MACROD2: variants seen among roughly 807,000 people sequenced by gnomAD.
The protein encoded by MACROD2 is ADP-ribose glycohydrolase MACROD2.
MACROD2 carries 36 observed loss-of-function variants against 70.4 expected under a neutral mutation model. The observed-to-expected ratio is 0.51, with a 90% CI of 0.39 to 0.68. The LOEUF (loss-of-function observed/expected upper bound fraction) is 0.68. Among genes scored for constraint, MACROD2 ranks in the 30% least tolerant of loss-of-function variants. The probability of loss-of-function intolerance (pLI) is 0.00; values close to 1 mark genes in which losing one functional copy is unlikely to be tolerated. For synonymous variants in MACROD2, 172 were observed against 178.8 expected, an observed-to-expected ratio of 0.96 and a Z score of 0.30; for missense variants, 496 against 538.4, an observed-to-expected ratio of 0.92 and a Z score of 0.78.
chr20:15,246,515 T>A (rs1190920414), intron 6 of MACROD2, among the ~76,000 whole-genome samples: 1 of 152,240 alleles, frequency 6.6e-6, no homozygotes, highest in Admixed American at 6.5e-5. Flanking sequence ...TTTATTTTTT[T>A]TTATTAGTGA....
At chr20:14,195,542 G>T (rs1194137643) in intron 3 of MACROD2, among the ~76,000 whole-genome samples, 1 of 151,946 alleles carries the variant, frequency 6.6e-6, no homozygotes, top group Non-Finnish European at 1.5e-5. Flanking sequence ...GACCACCTTG[G>T]TCTGCCACGC....
chr20:15,145,536 A>T (rs2076224101), intron 5 of MACROD2, among the ~76,000 whole-genome samples: 1 of 152,178 alleles, frequency 6.6e-6, no homozygotes, highest in Non-Finnish European at 1.5e-5. Context: ...ACATCTAAAT[A>T]TTTGAAAGAA....
At chr20:15,777,482 T>C (rs775553664) in intron 8 of MACROD2, among the ~76,000 whole-genome samples, 2 of 150,842 alleles carry the variant, frequency 1.3e-5, no homozygotes, top group African/African-American at 4.9e-5. Flanking sequence ...CAGAGCCAAG[T>C]TGATTCTTTT....
intron 3 of MACROD2, among the ~76,000 whole-genome samples, chr20:14,271,182 C>G (rs2082191609): frequency 6.6e-6 from 1 of 152,234 alleles, no homozygotes; most frequent in South Asian, 2.1e-4. Context: ...AACGGGCAGA[C>G]TGCCTCCTCA....
chr20:14,784,337 T>C (rs2072337829), intron 5 of MACROD2, among the ~76,000 whole-genome samples: 1 of 152,138 alleles, frequency 6.6e-6, no homozygotes, highest in South Asian at 2.1e-4. Context: ...GTCCCTTTGC[T>C]AAAATGTGTT....
intron 8 of MACROD2, among the ~76,000 whole-genome samples, chr20:15,557,608 A>G (rs1408648286): frequency 6.6e-6 from 1 of 152,250 alleles, no homozygotes. Context: ...TAAGTCAGAC[A>G]TTCTAGGACC....
At chr20:15,840,482 A>G (rs549327236) in intron 8 of MACROD2, among the ~76,000 whole-genome samples, 81 of 152,176 alleles carry the variant, frequency 5.3e-4, no homozygotes, top group Non-Finnish European at 9.6e-4. Context: ...TTATCAATTC[A>G]CAAAAAAAGA....
intron 8 of MACROD2, among the ~76,000 whole-genome samples, chr20:15,561,944 TGC>T (rs1280119164): frequency 7.9e-5 from 12 of 152,250 alleles, no homozygotes; most frequent in Middle Eastern, 6.8e-3. Context: ...GAGAACTCTT[TGC>T]TGCTTTGTTT....
intron 4 of MACROD2, among the ~76,000 whole-genome samples, chr20:14,597,451 A>T (rs937969762): frequency 6.6e-6 from 1 of 152,138 alleles, no homozygotes; most frequent in African/African-American, 2.4e-5. Flanking sequence ...GGAAGTGTTT[A>T]TTTAGTCCTC....
At chr20:15,139,638 A>G (rs1282772270) in intron 5 of MACROD2, among the ~76,000 whole-genome samples, 2 of 152,142 alleles carry the variant, frequency 1.3e-5, no homozygotes, top group African/African-American at 4.8e-5. Flanking sequence ...AGAAAAAAAA[A>G]TCATGTGGAT....
At chr20:15,518,459 T>G (rs947143783) in intron 8 of MACROD2, among the ~76,000 whole-genome samples, 74 of 152,362 alleles carry the variant, frequency 4.9e-4, no homozygotes, top group African/African-American at 1.8e-3. Context: ...TTGGCAATTG[T>G]GTACTTTGAA....
intron 8 of MACROD2, among the ~76,000 whole-genome samples, chr20:15,508,753 T>TA (rs1344989872): frequency 6.6e-6 from 1 of 152,090 alleles, no homozygotes; most frequent in East Asian, 1.9e-4. Flanking sequence ...GAGTCAGGAA[T>TA]AAAAAATGGT....
At chr20:14,696,686 T>C (rs1279905468) in intron 5 of MACROD2, among the ~76,000 whole-genome samples, 1 of 152,174 alleles carries the variant, frequency 6.6e-6, no homozygotes, top group African/African-American at 2.4e-5. Context: ...GTGAAGATCA[T>C]GAGACACAGC....
intron 7 of MACROD2, among the ~76,000 whole-genome samples, chr20:15,456,691 C>T (rs1049178084): frequency 6.6e-6 from 1 of 152,130 alleles, no homozygotes; most frequent in African/African-American, 2.4e-5. Flanking sequence ...TTCCCTAGAG[C>T]AGTAGTTTTC....
In MACROD2 at chr20:15,987,112, A is replaced by G; in HGVS notation, c.1107A>G (p.Glu369=). The change falls in exon 15 of 18, where the codon GAA becomes GAG. Residue 369 remains glutamate, a synonymous_variant. Coordinates refer to ENST00000684519, the MANE Select transcript of MACROD2 (RefSeq NM_001351661.2). The part of the protein sequence containing the change: ...QEDAVIVEQP[E]VIPLTEDQEE... ...ATGCCGTGATTGTGGAGCAACCAGA[A>G]GTGATTCCATTAACAGAGGACCAAG... 1 of 1,612,516 alleles carries G rather than the reference A, an allele frequency of 6.2e-7. No individual in the cohort carries two copies. The highest frequency in any genetic ancestry group is 8.5e-7 in the Non-Finnish European group (1 of 1,179,656).
At chr20:14,581,749 C>A (rs779136141) in intron 4 of MACROD2, among the ~76,000 whole-genome samples, 1 of 152,168 alleles carries the variant, frequency 6.6e-6, no homozygotes, top group Non-Finnish European at 1.5e-5. Context: ...GCTGTTGCAT[C>A]AGCTGAACAG....
At chr20:16,029,890 T>C (rs2067129713) in intron 15 of MACROD2, among the ~76,000 whole-genome samples, 1 of 151,974 alleles carries the variant, frequency 6.6e-6, no homozygotes, top group Non-Finnish European at 1.5e-5. Context: ...TTTCACAAAA[T>C]AGAAAATTTA....
At chr20:14,028,230 C>T (rs2053199623) in intron 2 of MACROD2, among the ~76,000 whole-genome samples, 1 of 152,214 alleles carries the variant, frequency 6.6e-6, no homozygotes, top group Admixed American at 6.5e-5. Context: ...AAGCTGCCTC[C>T]TCAAGCCTCA....
intron 6 of MACROD2, among the ~76,000 whole-genome samples, chr20:15,385,721 T>C (rs2045703827): frequency 6.6e-6 from 1 of 152,178 alleles, no homozygotes; most frequent in Non-Finnish European, 1.5e-5. Flanking sequence ...TCTCTTTCCA[T>C]TAAAGAGAAA....
Sources: allele counts gnomAD v4.1 joint callset (sites outside exome capture counted in the v4.1 genomes callset), GRCh38; gene constraint gnomAD v4.1.1; transcripts MANE v1.5; gene names NCBI Gene and HGNC (gene_info 2026-07-23, HGNC 2026-07-21).